AFF2: variants seen among roughly 807,000 people sequenced by gnomAD.
AFF2 encodes AF4/FMR2 family member 2.
AFF2 carries 14 observed loss-of-function variants against 76.9 expected under a neutral mutation model. The observed-to-expected ratio is 0.18, with a 90% CI of 0.12 to 0.28. The LOEUF is 0.28. Ranked by LOEUF, AFF2 falls within the 10% of genes least tolerant of loss-of-function variation. AFF2 has a pLI of 1.00. For missense variants in AFF2, 868 were observed against 1,001.1 expected (o/e 0.87, Z 1.79); for synonymous variants, 398 against 366.7 (o/e 1.09, Z -0.98).
At chrX:148,575,117 A>G (rs2053273551) in intron 1 of AFF2, among the ~76,000 whole-genome samples, 1 of 110,967 alleles carries the variant, frequency 9.0e-6, no homozygotes, top group African/African-American at 3.3e-5. Flanking sequence ...TCAATAGGTA[A>G]TGGTTGAATT....
chrX:148,625,915 C>T (rs149489332), intron 1 of AFF2, among the ~76,000 whole-genome samples: 1,919 of 111,598 alleles, frequency 0.017, 16 homozygotes, highest in Non-Finnish European at 0.026. Context: ...GGGGAAAACC[C>T]GTTTGGAGGT....
chrX:148,735,312 T>C (rs1419199289), intron 3 of AFF2, among the ~76,000 whole-genome samples: 1 of 112,633 alleles, frequency 8.9e-6, no homozygotes, highest in East Asian at 2.8e-4. Flanking sequence ...TTCAATCCTA[T>C]GTTTAGCTTT....
chrX:148,789,409 C>T (rs1014129006), intron 3 of AFF2, among the ~76,000 whole-genome samples: 1 of 111,522 alleles, frequency 9.0e-6, no homozygotes, highest in East Asian at 2.8e-4. Context: ...CACTGAAAAA[C>T]TCTCTGAGAT....
chrX:148,702,396 G>T (rs1228427835), intron 3 of AFF2, among the ~76,000 whole-genome samples: 1 of 111,777 alleles, frequency 8.9e-6, no homozygotes, highest in Non-Finnish European at 1.9e-5. Flanking sequence ...AGAGACATTG[G>T]TGAGGAGGAA....
chrX:148,690,666 G>A (rs1349967340), intron 3 of AFF2, among the ~76,000 whole-genome samples: 2 of 112,425 alleles, frequency 1.8e-5, no homozygotes, highest in Admixed American at 9.4e-5. Flanking sequence ...TAGCAGTTAA[G>A]AGCATGTGCT....
intron 3 of AFF2, among the ~76,000 whole-genome samples, chrX:148,746,169 G>A (rs1328489300): frequency 8.9e-6 from 1 of 112,277 alleles, no homozygotes; most frequent in African/African-American, 3.2e-5. Flanking sequence ...TTAGTAATGT[G>A]TGATAGTGCT....
intron 4 of AFF2, among the ~76,000 whole-genome samples, chrX:148,828,069 G>A (rs1360867940): frequency 1.8e-5 from 2 of 111,178 alleles, no homozygotes; most frequent in African/African-American, 3.3e-5. Flanking sequence ...AAAGCCTCGC[G>A]AATTATCTCA....
At chrX:148,573,479 T>TCTTGG (rs2053252202) in intron 1 of AFF2, among the ~76,000 whole-genome samples, 1 of 111,158 alleles carries the variant, frequency 9.0e-6, no homozygotes, top group Admixed American at 9.6e-5. Context: ...GATACTAACC[T>TCTTGG]CTTGGTCTTT....
chrX:148,681,343 G>A (rs1348123268), intron 3 of AFF2, among the ~76,000 whole-genome samples: 2 of 111,488 alleles, frequency 1.8e-5, no homozygotes, highest in Non-Finnish European at 3.8e-5. Flanking sequence ...ATCAAGTGCT[G>A]TCTTTTTTCT....
chrX:148,933,968 A>C, intron 9 of AFF2, among the ~76,000 whole-genome samples: 1 of 111,818 alleles, frequency 8.9e-6, no homozygotes. Flanking sequence ...CTAGAATTAC[A>C]TGCCTCAACT....
At chrX:148,820,790 C>T (rs971906596) in intron 4 of AFF2, among the ~76,000 whole-genome samples, 1 of 111,258 alleles carries the variant, frequency 9.0e-6, no homozygotes. Context: ...ATGTTTACCC[C>T]CTGAACTTAA....
At chrX:148,624,312 G>A (rs1435561435) in intron 1 of AFF2, among the ~76,000 whole-genome samples, 2 of 111,011 alleles carry the variant, frequency 1.8e-5, no homozygotes, top group Non-Finnish European at 3.8e-5. Flanking sequence ...TAATGATCTG[G>A]GTTAAAATGT....
chrX:148,932,757 G>A (rs1603342588), intron 9 of AFF2, among the ~76,000 whole-genome samples: 4 of 112,011 alleles, frequency 3.6e-5, no homozygotes, highest in Admixed American at 9.5e-5. Flanking sequence ...TTTGTCAGTC[G>A]TTGAAACCAT....
At chrX:148,580,533 G>A (rs1266936815) in intron 1 of AFF2, among the ~76,000 whole-genome samples, 5 of 111,306 alleles carry the variant, frequency 4.5e-5, no homozygotes, top group African/African-American at 1.6e-4. Context: ...AGGAATGCAA[G>A]CACCCTTAGA....
At chrX:148,841,559 G>C (rs1386690343) in intron 5 of AFF2, among the ~76,000 whole-genome samples, 2 of 111,696 alleles carry the variant, frequency 1.8e-5, no homozygotes, top group African/African-American at 6.5e-5. Flanking sequence ...TATGTTCTCA[G>C]GGTCTATTAA....
At chrX:148,734,424 G>A (rs556827067) in intron 3 of AFF2, among the ~76,000 whole-genome samples, 3 of 111,632 alleles carry the variant, frequency 2.7e-5, no homozygotes, top group African/African-American at 9.8e-5. Context: ...CTACTGTGTT[G>A]CAGAGAGAAC....
intron 7 of AFF2, among the ~76,000 whole-genome samples, chrX:148,877,359 T>C (rs1557278003): frequency 3.6e-5 from 4 of 111,860 alleles, no homozygotes; most frequent in Non-Finnish European, 7.5e-5. Context: ...TATCCAGCTC[T>C]ACAGAGTTAA....
At chrX:148,530,625 A>T (rs1421160883) in intron 1 of AFF2, among the ~76,000 whole-genome samples, 1 of 109,792 alleles carries the variant, frequency 9.1e-6, no homozygotes, top group Non-Finnish European at 1.9e-5. Context: ...TGTCTTATAT[A>T]GTTAAGCTGC....
chrX:148,719,361 A>G (rs2055065713), intron 3 of AFF2: 1 of 445,270 alleles, frequency 2.2e-6, no homozygotes, highest in African/African-American at 2.4e-5. Flanking sequence ...TATCCAAAGC[A>G]CTGATTTAAA....
Sources: gnomAD v4.1 joint callset for allele counts (sites outside exome capture counted in the v4.1 genomes callset) on GRCh38, gnomAD v4.1.1 for gene constraint, MANE v1.5 for transcripts, NCBI Gene and HGNC (gene_info 2026-07-23, HGNC 2026-07-21) for gene names.